Variants in DOK6 observed in about 807,000 individuals in gnomAD.
DOK6 encodes the protein docking protein 6.
In DOK6, 22 loss-of-function variants were observed where a neutral mutation model predicts 44.0. The ratio of observed to expected loss-of-function variants is 0.50; its 90% CI spans 0.36 to 0.71. The LOEUF is 0.71. Ranked by LOEUF, DOK6 falls within the 30% of genes least tolerant of loss-of-function variation. DOK6 has a pLI of 0.00. For synonymous variants in DOK6, 166 were observed against 145.5 expected, an observed-to-expected ratio of 1.14 and a Z score of -1.01; for missense variants, 340 against 416.4, an observed-to-expected ratio of 0.82 and a Z score of 1.60.
intron 3 of DOK6, among the ~76,000 whole-genome samples, chr18:69,628,051 T>G (rs563661039): frequency 6.6e-6 from 1 of 152,176 alleles, no homozygotes; most frequent in Non-Finnish European, 1.5e-5. Context: ...TCCTATGGAG[T>G]CAATTTTTAC....
intron 5 of DOK6, among the ~76,000 whole-genome samples, chr18:69,711,163 G>A (rs1986747649): frequency 6.6e-6 from 1 of 152,164 alleles, no homozygotes; most frequent in Admixed American, 6.5e-5. Context: ...TATCATTAGA[G>A]GAGCAAAGAA....
At chr18:69,626,499 G>A (rs1208061048) in intron 3 of DOK6, among the ~76,000 whole-genome samples, 1 of 152,116 alleles carries the variant, frequency 6.6e-6, no homozygotes, top group Non-Finnish European at 1.5e-5. Context: ...CTGCAAACAA[G>A]CAAAGAAAAA....
intron 6 of DOK6, among the ~76,000 whole-genome samples, chr18:69,754,307 T>C (rs942697274): frequency 1.4e-5 from 2 of 147,592 alleles, no homozygotes; most frequent in African/African-American, 5.0e-5. Context: ...TGAGCGAAGA[T>C]TGCACCACAC....
intron 1 of DOK6, among the ~76,000 whole-genome samples, chr18:69,479,026 A>G (rs1228716731): frequency 6.6e-6 from 1 of 152,170 alleles, no homozygotes; most frequent in Non-Finnish European, 1.5e-5. Context: ...TGTCCGTTTC[A>G]TTTTTGCTAA....
At chr18:69,417,899 A>G (rs952417298) in intron 1 of DOK6, among the ~76,000 whole-genome samples, 1 of 151,824 alleles carries the variant, frequency 6.6e-6, no homozygotes, top group Non-Finnish European at 1.5e-5. Context: ...TTTTAATCAG[A>G]TTGTTTGTTT....
chr18:69,787,298 T>C (rs567958275), intron 7 of DOK6, among the ~76,000 whole-genome samples: 60 of 152,202 alleles, frequency 3.9e-4, no homozygotes, highest in Non-Finnish European at 6.9e-4. Context: ...AGATCCAATA[T>C]ACTTTTTTTG....
At chr18:69,462,550 T>C (rs2122476573) in intron 1 of DOK6, among the ~76,000 whole-genome samples, 3 of 152,350 alleles carry the variant, frequency 2.0e-5, no homozygotes, top group Admixed American at 2.0e-4. Context: ...TATTTAAAGG[T>C]ATATTTATTC....
chr18:69,579,070 G>A (rs1306174620), intron 2 of DOK6, among the ~76,000 whole-genome samples: 1 of 152,134 alleles, frequency 6.6e-6, no homozygotes, highest in African/African-American at 2.4e-5. Flanking sequence ...TTGAGAGCAG[G>A]TCCTTAACCT....
At chr18:69,792,049 A>G (rs934161981) in intron 7 of DOK6, among the ~76,000 whole-genome samples, 1 of 152,134 alleles carries the variant, frequency 6.6e-6, no homozygotes, top group Non-Finnish European at 1.5e-5. Flanking sequence ...TTTGTCAAAA[A>G]TGAATTCACT....
chr18:69,823,995 A>C (rs1438773779), intron 7 of DOK6, among the ~76,000 whole-genome samples: 3 of 152,320 alleles, frequency 2.0e-5, no homozygotes, highest in East Asian at 3.9e-4. Flanking sequence ...GTTCCAAAAA[A>C]AGCAAACAGA....
At chr18:69,603,348 G>A (rs990382579) in intron 3 of DOK6, among the ~76,000 whole-genome samples, 1 of 152,120 alleles carries the variant, frequency 6.6e-6, no homozygotes, top group African/African-American at 2.4e-5. Flanking sequence ...AATTCAGCCG[G>A]CCTACCTTAC....
intron 1 of DOK6, among the ~76,000 whole-genome samples, chr18:69,424,835 T>C (rs1313388897): frequency 6.6e-6 from 1 of 152,204 alleles, no homozygotes; most frequent in Non-Finnish European, 1.5e-5. Context: ...ATTAAAATTC[T>C]TGTGCATGAG....
chr18:69,466,663 A>AT (rs2122482043), intron 1 of DOK6, among the ~76,000 whole-genome samples: 1 of 152,260 alleles, frequency 6.6e-6, no homozygotes, highest in South Asian at 2.1e-4. Flanking sequence ...ACAAAAAAAA[A>AT]GCTGTATGAG....
intron 3 of DOK6, among the ~76,000 whole-genome samples, chr18:69,631,805 C>T (rs913133275): frequency 2.6e-5 from 4 of 152,110 alleles, no homozygotes; most frequent in African/African-American, 7.2e-5. Flanking sequence ...ACAAAGTGTC[C>T]GAAAATCCAA....
At chr18:69,613,013 G>A (rs1984199355) in intron 3 of DOK6, among the ~76,000 whole-genome samples, 1 of 151,898 alleles carries the variant, frequency 6.6e-6, no homozygotes, top group Non-Finnish European at 1.5e-5. Flanking sequence ...TGGGACTACA[G>A]CTGTGTGCCA....
Position 69,612,406 on chromosome 18 carries a change from C to T in DOK6, c.289+12908C>T, listed in dbSNP as rs72634409. ...TATGAGCACGAAGAGACTTTGTGTG[C>T]GAGGGCGCATGTGTGCGAGGGCGCA... On this transcript the variant is annotated intron_variant, in intron 3 of 7. Coordinates refer to ENST00000382713, the MANE Select transcript of DOK6 (RefSeq NM_152721.6). 3.2e-3 allele frequency among the ~76,000 whole-genome samples: 381 copies of T among 120,428 alleles called. 1 individual carries two copies. The highest frequency in any genetic ancestry group is 0.027 in the East Asian group (50 of 1,886). The allele number at this position is 120,428 out of a possible 152,430, so 79.0% of individuals were successfully genotyped here.
At chr18:69,808,114 T>A (rs2145112686) in intron 7 of DOK6, among the ~76,000 whole-genome samples, 1 of 151,948 alleles carries the variant, frequency 6.6e-6, no homozygotes, top group Non-Finnish European at 1.5e-5. Context: ...CACAATGGTA[T>A]AAAACTATAA....
At chr18:69,749,804 T>A (rs1979110860) in intron 6 of DOK6, among the ~76,000 whole-genome samples, 1 of 151,438 alleles carries the variant, frequency 6.6e-6, no homozygotes, top group Admixed American at 6.6e-5. Context: ...TAGCTGGGCG[T>A]GATGGTGCGC....
chr18:69,617,122 G>T (rs1984303451), intron 3 of DOK6, among the ~76,000 whole-genome samples: 1 of 151,946 alleles, frequency 6.6e-6, no homozygotes, highest in Non-Finnish European at 1.5e-5. Flanking sequence ...AACAGATTAG[G>T]AAGAGGTTTT....
Sources: allele counts gnomAD v4.1 joint callset (sites outside exome capture counted in the v4.1 genomes callset), GRCh38; gene constraint gnomAD v4.1.1; transcripts MANE v1.5; gene names NCBI Gene and HGNC (gene_info 2026-07-23, HGNC 2026-07-21).